The following HLCS variants were observed in gnomAD, a reference collection of about 807,000 sequenced individuals.
HLCS encodes holocarboxylase synthetase.
Under a neutral mutation model 75.0 loss-of-function variants are expected in HLCS, and 53 were observed. The observed-to-expected ratio is 0.71, with a 90% CI of 0.57 to 0.89. The LOEUF is 0.89. Ranked by LOEUF, HLCS falls within the 40% of genes least tolerant of loss-of-function variation. The pLI, the probability that HLCS is intolerant of heterozygous loss-of-function variation, is 0.00. For synonymous variants in HLCS, 431 were observed against 428.6 expected (o/e 1.01, Z -0.07); for missense variants, 966 against 1,074.0 (o/e 0.90, Z 1.41).
At chr21:36,850,930 C>A (rs756659319) in intron 6 of HLCS, among the ~76,000 whole-genome samples, 5 of 152,080 alleles carry the variant, frequency 3.3e-5, no homozygotes, top group South Asian at 2.1e-4. Context: ...AGGACACTAC[C>A]CCTGCTGGAG....
intron 1 of HLCS, among the ~76,000 whole-genome samples, chr21:36,979,252 G>T (rs1006231702): frequency 7.5e-5 from 11 of 146,834 alleles, no homozygotes; most frequent in African/African-American, 2.8e-4. Context: ...AGGCCTGGGT[G>T]ACAGAGCAAG....
chr21:36,967,520 A>T (rs889063909), upstream of HLCS, among the ~76,000 whole-genome samples: 1 of 152,216 alleles, frequency 6.6e-6, no homozygotes, highest in Non-Finnish European at 1.5e-5. Context: ...GGGAAGCATA[A>T]TTAGTCCTGA....
intron 2 of HLCS, among the ~76,000 whole-genome samples, chr21:36,960,957 A>G (rs1278708543): frequency 6.6e-6 from 1 of 152,226 alleles, no homozygotes; most frequent in East Asian, 1.9e-4. Flanking sequence ...GAGACAGGGT[A>G]TTTTCACAGC....
chr21:36,852,345 CCA>C (rs1435581566), intron 6 of HLCS, among the ~76,000 whole-genome samples: 4 of 152,186 alleles, frequency 2.6e-5, no homozygotes, highest in African/African-American at 7.2e-5. Flanking sequence ...CTGAACATTA[CCA>C]TGGAGCCCCT....
chr21:36,895,680 T>C (rs551504561), intron 6 of HLCS, among the ~76,000 whole-genome samples: 4 of 152,220 alleles, frequency 2.6e-5, no homozygotes, highest in South Asian at 2.1e-4. Flanking sequence ...TATATCCATA[T>C]AGCATTAAAT....
At chr21:36,966,736 G>A (rs1207675434), upstream of HLCS, 1 of 452,960 alleles carries the variant, frequency 2.2e-6, no homozygotes, top group Non-Finnish European at 2.9e-6. Context: ...GCCCCCCCGG[G>A]CCAGGCGGCG....
chr21:36,756,698 G>C lies in HLCS; in HGVS notation c.2294C>G (p.Thr765Arg), dbSNP rs201626082. The C allele has an allele frequency of 4.3e-6, 7 of 1,614,164 alleles. No homozygotes were observed. In the South Asian group the frequency reaches 7.7e-5, roughly 18 times the overall value. The change falls in exon 10 of 11, where the codon ACA becomes AGA. Residue 765 changes from threonine (T) to arginine (R), a missense_variant. Coordinates refer to ENST00000674895, the MANE Select transcript of HLCS (RefSeq NM_001352514.2). ...NPTICINDLI[T>R]EYNKQHKAEL... is the part of the protein sequence containing the mutation. The stretch of plus-strand genomic sequence containing the variant: ...TGCCTTGTGTTGTTTATTGTATTCT[G>C]TGATGAGGTCGTTGATGCAGATGGT...
chr21:36,777,350 T>C (rs56161860), intron 6 of HLCS, among the ~76,000 whole-genome samples: 6,764 of 152,320 alleles, frequency 0.044, 497 homozygotes, highest in African/African-American at 0.15. Context: ...TTCTTTAAAA[T>C]TTTTTCTGAC....
At chr21:36,956,252 G>A (rs529774384) in intron 2 of HLCS, among the ~76,000 whole-genome samples, 1 of 152,094 alleles carries the variant, frequency 6.6e-6, no homozygotes, top group Non-Finnish European at 1.5e-5. Context: ...ATGGACTCAG[G>A]GGGTGGGGAG....
At chr21:36,782,606 G>A (rs1360483670) in intron 6 of HLCS, among the ~76,000 whole-genome samples, 1 of 152,072 alleles carries the variant, frequency 6.6e-6, no homozygotes, top group Non-Finnish European at 1.5e-5. Context: ...GGGTGTAGAG[G>A]AGAATAGGGA....
intron 5 of HLCS, among the ~76,000 whole-genome samples, chr21:36,905,869 T>C (rs2065427230): frequency 6.6e-6 from 1 of 151,934 alleles, no homozygotes; most frequent in Non-Finnish European, 1.5e-5. Context: ...CTGGCCAACA[T>C]GGTGAAACCC....
intron 6 of HLCS, among the ~76,000 whole-genome samples, chr21:36,852,692 T>C (rs1244274161): frequency 2.6e-5 from 4 of 152,190 alleles, no homozygotes; most frequent in Admixed American, 2.6e-4. Flanking sequence ...CCTTGGTACA[T>C]CTGCCTCTAA....
In HLCS at chr21:36,754,323, C is replaced by T. The variant is rs773752745; in HGVS notation, c.2545G>A (p.Gly849Ser). 15 of 1,613,918 alleles carry T rather than the reference C, an allele frequency of 9.3e-6. No individual in the cohort carries two copies. The highest frequency in any genetic ancestry group is 6.7e-5 in the East Asian group (3 of 44,890). ...SGFLQVHQEG[G>S]EVVTVHPDGN... is the part of the protein sequence containing the mutation. ...TCCGGGTGCACAGTCACAACCTCGC[C>T]GCCCTCCTGGTGAACCTGGAGGAAG... Residue 849 changes from glycine to serine, a missense_variant, in exon 11 of 11, where the codon GGC becomes AGC. Transcript: ENST00000674895.
intron 1 of HLCS, among the ~76,000 whole-genome samples, chr21:36,963,709 G>T (rs540028101): frequency 2.6e-5 from 4 of 152,248 alleles, no homozygotes; most frequent in African/African-American, 9.6e-5. Flanking sequence ...CCGAGATCGT[G>T]CCATTGCACT....
chr21:36,927,857 A>G (rs2066473708), intron 5 of HLCS, among the ~76,000 whole-genome samples: 1 of 152,236 alleles, frequency 6.6e-6, no homozygotes, highest in Admixed American at 6.5e-5. Context: ...CTTGCAGGGC[A>G]CAGGAAGCAG....
At chr21:36,934,276 G>C (rs1315450814) in intron 4 of HLCS, among the ~76,000 whole-genome samples, 3 of 152,214 alleles carry the variant, frequency 2.0e-5, no homozygotes, top group Non-Finnish European at 2.9e-5. Context: ...TGCGTGGAGA[G>C]GGTGATACTG....
chr21:36,811,748 T>A (rs562470431), intron 6 of HLCS, among the ~76,000 whole-genome samples: 23 of 152,344 alleles, frequency 1.5e-4, no homozygotes, highest in Middle Eastern at 3.4e-3. Context: ...CTGGTCATAA[T>A]TAGTCTCTAA....
chr21:36,790,904 C>T lies in HLCS; in HGVS notation c.1893-23619G>A, dbSNP rs561916690. Among the ~76,000 whole-genome samples the T allele has an allele frequency of 1.1e-4, 17 of 152,282 alleles. 1 individual carries two copies. The South Asian group carries it at 1.9e-3, about 17-fold the overall frequency. The stretch of plus-strand genomic sequence containing the variant: ...TCAGCAAAATGTTCTTAAGCCATTC[C>T]GTCCACCATTTTGTCCATCTGTGTT... On this transcript the variant is annotated intron_variant, in intron 6 of 10. Coordinates refer to ENST00000674895, the MANE Select transcript of HLCS (RefSeq NM_001352514.2).
intron 1 of HLCS, among the ~76,000 whole-genome samples, chr21:36,978,548 G>A (rs1165697047): frequency 6.6e-6 from 1 of 152,046 alleles, no homozygotes; most frequent in Non-Finnish European, 1.5e-5. Flanking sequence ...GTGGGAAGGA[G>A]GCTGGAAGCG....
Sources: gnomAD v4.1 joint callset for allele counts (sites outside exome capture counted in the v4.1 genomes callset) on GRCh38, gnomAD v4.1.1 for gene constraint, MANE v1.5 for transcripts, NCBI Gene and HGNC (gene_info 2026-07-23, HGNC 2026-07-21) for gene names.